The following SRPK2 variants were observed in gnomAD, a reference collection of about 807,000 sequenced individuals.
SRPK2 encodes SRSF protein kinase 2, also known as SFRS protein kinase 2.
A neutral mutation model predicts 90.8 loss-of-function variants in SRPK2; 21 were observed. The observed-to-expected ratio is 0.23, with a 90% confidence interval of 0.16 to 0.33. The LOEUF (loss-of-function observed/expected upper bound fraction) is 0.33. SRPK2 is among the 10% of genes least tolerant of loss of function. The probability of loss-of-function intolerance (pLI) is 1.00; values close to 1 mark genes in which losing one functional copy is unlikely to be tolerated. For synonymous variants in SRPK2, 288 were observed against 311.1 expected, an observed-to-expected ratio of 0.93 and a Z score of 0.78; for missense variants, 620 against 869.0, an observed-to-expected ratio of 0.71 and a Z score of 3.60.
intron 3 of SRPK2, among the ~76,000 whole-genome samples, chr7:105,176,082 G>A (rs905734997): frequency 2.0e-5 from 3 of 152,004 alleles, no homozygotes; most frequent in African/African-American, 7.2e-5. Flanking sequence ...CCAGACAAAC[G>A]TTCAACAAAT....
chr7:105,307,719 GT>G (rs1220541992), intron 2 of SRPK2, among the ~76,000 whole-genome samples: 4 of 152,102 alleles, frequency 2.6e-5, no homozygotes, highest in African/African-American at 7.2e-5. Flanking sequence ...TGTGGGTGGG[GT>G]TTTTTCCCCC....
At chr7:105,147,079 TAGTA>T (rs1222271915) in intron 7 of SRPK2, among the ~76,000 whole-genome samples, 2 of 152,218 alleles carry the variant, frequency 1.3e-5, no homozygotes, top group Admixed American at 6.5e-5. Flanking sequence ...ACTTAATGAA[TAGTA>T]AGTATATTTT....
chr7:105,133,914 T>A (rs897134985), intron 11 of SRPK2, among the ~76,000 whole-genome samples: 1 of 152,028 alleles, frequency 6.6e-6, no homozygotes, highest in Non-Finnish European at 1.5e-5. Flanking sequence ...CTCAAACAAG[T>A]TCAGATCATG....
chr7:105,331,526 A>G (rs1814408133), intron 2 of SRPK2, among the ~76,000 whole-genome samples: 1 of 152,132 alleles, frequency 6.6e-6, no homozygotes, highest in African/African-American at 2.4e-5. Flanking sequence ...AGAGAGATGA[A>G]TAGTAAACTT....
intron 2 of SRPK2, among the ~76,000 whole-genome samples, chr7:105,348,473 G>A (rs1816742431): frequency 6.8e-6 from 1 of 147,678 alleles, no homozygotes; most frequent in Admixed American, 6.8e-5. Flanking sequence ...TGCCCAGGCT[G>A]GAGTGCAATG....
chr7:105,314,315 G>C (rs1021903240), intron 2 of SRPK2, among the ~76,000 whole-genome samples: 3 of 152,056 alleles, frequency 2.0e-5, no homozygotes, highest in African/African-American at 7.2e-5. Context: ...CTGGACGACA[G>C]AGTAAGACCC....
chr7:105,154,677 T>C (rs1806229928), intron 7 of SRPK2, among the ~76,000 whole-genome samples: 1 of 152,144 alleles, frequency 6.6e-6, no homozygotes, highest in African/African-American at 2.4e-5. Flanking sequence ...ATCTAATGGC[T>C]ATACTTTTTT....
chr7:105,193,044 T>G (rs1412115206), intron 3 of SRPK2, among the ~76,000 whole-genome samples: 1 of 152,266 alleles, frequency 6.6e-6, no homozygotes, highest in Non-Finnish European at 1.5e-5. Flanking sequence ...TTTAGTTTAA[T>G]TAAGTTCCAG....
Position 105,151,808 on chromosome 7 carries a change from G to C in SRPK2, c.622-5150C>G, listed in dbSNP as rs541946952. 5.3e-5 allele frequency among the ~76,000 whole-genome samples: 8 copies of C among 152,260 alleles called. No individual in the cohort carries two copies. In the South Asian group the frequency reaches 1.7e-3, roughly 32 times the overall value. ...GGAGGTCAAGGCAGGTGGATCACCT[G>C]AGGTCTGGAGTTCAAGACCAGCCTG... On this transcript the variant is annotated intron_variant, in intron 7 of 15. Transcript: ENST00000393651.
At position 105,164,943 on chromosome 7, in the gene SRPK2, G is replaced by C. The variant is rs559300694; in HGVS notation, c.514+2434C>G. Among the ~76,000 whole-genome samples, 4 of 152,304 alleles carry C rather than the reference G, an allele frequency of 2.6e-5. No individual in the cohort carries two copies. The East Asian group carries it at 5.8e-4, about 22-fold the overall frequency. On this transcript the variant is annotated intron_variant, in intron 6 of 15. Transcript: ENST00000393651. ...ACAACCTAGCACCCATCAGTCATGT[G>C]CCTCTGAGTAAAGTGGTCCGATTTT...
At chr7:105,326,224 A>G (rs1431209072) in intron 2 of SRPK2, among the ~76,000 whole-genome samples, 1 of 152,132 alleles carries the variant, frequency 6.6e-6, no homozygotes, top group East Asian at 1.9e-4. Flanking sequence ...CCACATTACA[A>G]CCCACCAACT....
intron 13 of SRPK2, among the ~76,000 whole-genome samples, chr7:105,131,087 A>T (rs2299302): frequency 0.046 from 6,978 of 152,310 alleles, 514 homozygotes; most frequent in African/African-American, 0.15. Flanking sequence ...AGCTCCATTA[A>T]CCCACTACAT....
At chr7:105,150,635 G>A (rs1805506716) in intron 7 of SRPK2, among the ~76,000 whole-genome samples, 1 of 152,162 alleles carries the variant, frequency 6.6e-6, no homozygotes. Flanking sequence ...ACAATCCAAT[G>A]GGCTCATGTT....
At chr7:105,341,319 C>T (rs1815747151) in intron 2 of SRPK2, among the ~76,000 whole-genome samples, 1 of 142,326 alleles carries the variant, frequency 7.0e-6, no homozygotes, top group Admixed American at 7.6e-5. Context: ...GATCGTGCCA[C>T]TGCACTCCAG....
At chr7:105,151,417 T>C (rs1805629978) in intron 7 of SRPK2, among the ~76,000 whole-genome samples, 3 of 152,230 alleles carry the variant, frequency 2.0e-5, no homozygotes, top group Admixed American at 2.0e-4. Context: ...AGAAATAATC[T>C]ACGGAAAACT....
intron 2 of SRPK2, chr7:105,206,644 A>G (rs923259339): frequency 1.1e-4 from 16 of 152,242 alleles, no homozygotes; most frequent in African/African-American, 3.6e-4. Flanking sequence ...GTGCTGCCCA[A>G]TACAGTAGCC....
intron 2 of SRPK2, among the ~76,000 whole-genome samples, chr7:105,385,073 C>T (rs1270350997): frequency 6.7e-6 from 1 of 150,060 alleles, no homozygotes; most frequent in Admixed American, 6.7e-5. Context: ...GGGGTTTCAC[C>T]GTGTTAGCCA....
chr7:105,256,610 G>C (rs1256333809), intron 2 of SRPK2, among the ~76,000 whole-genome samples: 1 of 152,054 alleles, frequency 6.6e-6, no homozygotes, highest in African/African-American at 2.4e-5. Flanking sequence ...CTCCCACTCT[G>C]GTCTCCCAAA....
intron 2 of SRPK2, among the ~76,000 whole-genome samples, chr7:105,206,907 C>A (rs921399944): frequency 6.6e-6 from 1 of 152,204 alleles, no homozygotes; most frequent in African/African-American, 2.4e-5. Flanking sequence ...GATTCCTGGC[C>A]ATAAGTGATG....
Sources: gnomAD v4.1 joint callset for allele counts (sites outside exome capture counted in the v4.1 genomes callset) on GRCh38, gnomAD v4.1.1 for gene constraint, MANE v1.5 for transcripts, NCBI Gene and HGNC (gene_info 2026-07-23, HGNC 2026-07-21) for gene names.